Variants in MSRA observed in about 807,000 individuals in gnomAD.
MSRA encodes methionine sulfoxide reductase A.
A neutral mutation model predicts 31.3 loss-of-function variants in MSRA; 54 were observed. The observed-to-expected ratio is 1.73, with a 90% CI of 1.39 to 2.17. MSRA has a LOEUF of 2.17. Among genes scored for constraint, MSRA ranks in the 30% most tolerant of loss-of-function variants. The probability of loss-of-function intolerance (pLI) is 0.00; values close to 1 mark genes in which losing one functional copy is unlikely to be tolerated. For synonymous variants in MSRA, 169 were observed against 116.5 expected (o/e 1.45, Z -2.90); for missense variants, 507 against 300.9 (o/e 1.69, Z -5.07).
intron 5 of MSRA, among the ~76,000 whole-genome samples, chr8:10,389,790 CTTT>C (rs55769720): frequency 3.2e-5 from 4 of 123,410 alleles, no homozygotes; most frequent in African/African-American, 1.3e-4. Context: ...GAAACTTACT[CTTT>C]TTTTTTTTTT....
chr8:10,095,699 C>T (rs1799107421), intron 1 of MSRA: 3 of 1,038,086 alleles, frequency 2.9e-6, no homozygotes, highest in African/African-American at 1.7e-5. Flanking sequence ...TCCTGGGGTA[C>T]AGAAAAACTC....
intron 1 of MSRA, among the ~76,000 whole-genome samples, chr8:10,081,923 C>T (rs1798314254): frequency 6.6e-6 from 1 of 152,210 alleles, no homozygotes; most frequent in Admixed American, 6.5e-5. Context: ...AAACCTCATC[C>T]ATGGCTTTGG....
chr8:10,107,849 C>A (rs1163662081), intron 1 of MSRA, among the ~76,000 whole-genome samples: 1 of 152,120 alleles, frequency 6.6e-6, no homozygotes, highest in Admixed American at 6.5e-5. Context: ...CCTAAATTAT[C>A]CCCGGATATT....
chr8:10,284,329 T>C (rs1488106547), intron 3 of MSRA, among the ~76,000 whole-genome samples: 1 of 151,940 alleles, frequency 6.6e-6, no homozygotes, highest in Admixed American at 6.6e-5. Flanking sequence ...GCTGGGACTA[T>C]AGGCGCCCGC....
At chr8:10,152,756 C>T (rs74407434) in intron 1 of MSRA, among the ~76,000 whole-genome samples, 4,326 of 152,304 alleles carry the variant, frequency 0.028, 73 homozygotes, top group African/African-American at 0.042. Flanking sequence ...AATAGCTCCA[C>T]GTGCCCGTTG....
At position 10,054,477 on chromosome 8, in the gene MSRA, G is replaced by C. The variant is rs1214008981; in HGVS notation, c.-40G>C. On this transcript the variant is annotated 5_prime_UTR_variant, in exon 1 of 6. Coordinates refer to ENST00000317173, the MANE Select transcript of MSRA (RefSeq NM_012331.5). ...TCCGGCTGCGGCTCCGCTGCCGGTA[G>C]CGCCGTCCCCCGGGACCACCCTTCG... 2 of 1,543,454 alleles carry C rather than the reference G, an allele frequency of 1.3e-6. No homozygotes were observed. Among genetic ancestry groups the C allele is most frequent in the Non-Finnish European group, 1.7e-6 (2 of 1,145,574 alleles).
intron 5 of MSRA, among the ~76,000 whole-genome samples, chr8:10,365,280 C>A (rs1413212595): frequency 6.6e-6 from 1 of 152,092 alleles, no homozygotes; most frequent in Non-Finnish European, 1.5e-5. Context: ...TCCCTCCGAG[C>A]ATCTGTGGTG....
At chr8:10,399,951 A>C (rs1440420187) in intron 5 of MSRA, among the ~76,000 whole-genome samples, 2 of 152,160 alleles carry the variant, frequency 1.3e-5, no homozygotes, top group Admixed American at 6.5e-5. Flanking sequence ...TGGAAGAATA[A>C]GATGAGGCAT....
At chr8:10,387,729 G>A (rs1260323446) in intron 5 of MSRA, among the ~76,000 whole-genome samples, 2 of 152,222 alleles carry the variant, frequency 1.3e-5, no homozygotes, top group Non-Finnish European at 2.9e-5. Flanking sequence ...TGGGCATGGT[G>A]ATGACTTTTA....
chr8:10,105,211 T>A (rs1196375768), intron 1 of MSRA, among the ~76,000 whole-genome samples: 3 of 152,226 alleles, frequency 2.0e-5, no homozygotes, highest in Non-Finnish European at 2.9e-5. Context: ...TTTCTCATTT[T>A]CCTTATGGCA....
intron 1 of MSRA, among the ~76,000 whole-genome samples, chr8:10,112,138 A>G (rs544207263): frequency 2.0e-5 from 3 of 152,142 alleles, no homozygotes; most frequent in African/African-American, 7.2e-5. Flanking sequence ...GCTTTTATCC[A>G]CAGTCCTGCG....
intron 5 of MSRA, among the ~76,000 whole-genome samples, chr8:10,420,585 C>T (rs867726302): frequency 3.2e-4 from 49 of 152,244 alleles, no homozygotes; most frequent in African/African-American, 1.1e-3. Context: ...TGATGCGGGC[C>T]TCTTTCCATA....
intron 3 of MSRA, among the ~76,000 whole-genome samples, chr8:10,277,893 A>G (rs71516564): frequency 0.19 from 29,475 of 152,154 alleles, 3,784 homozygotes; most frequent in Non-Finnish European, 0.29. Context: ...TTATTTATCA[A>G]TAAAAACAAA....
At chr8:10,352,046 A>G (rs1055818764) in intron 5 of MSRA, among the ~76,000 whole-genome samples, 7 of 152,230 alleles carry the variant, frequency 4.6e-5, no homozygotes, top group African/African-American at 1.7e-4. Flanking sequence ...AAACAGCAGA[A>G]AATATGGGAG....
At chr8:10,182,729 G>T (rs1023138111) in intron 1 of MSRA, among the ~76,000 whole-genome samples, 2 of 152,076 alleles carry the variant, frequency 1.3e-5, no homozygotes, top group African/African-American at 4.8e-5. Flanking sequence ...GCTGGCCATC[G>T]CCTGGAGGCC....
intron 1 of MSRA, among the ~76,000 whole-genome samples, chr8:10,172,230 A>G (rs563597974): frequency 2.6e-5 from 4 of 152,314 alleles, no homozygotes; most frequent in African/African-American, 9.6e-5. Context: ...GTCACCCTGC[A>G]TGGGGTATGA....
At chr8:10,290,635 A>G (rs1800183381) in intron 3 of MSRA, among the ~76,000 whole-genome samples, 1 of 152,080 alleles carries the variant, frequency 6.6e-6, no homozygotes, top group South Asian at 2.1e-4. Flanking sequence ...GCGTGAGAGT[A>G]TGTTTCAGAG....
At chr8:10,255,346 G>A (rs1478616085) in intron 3 of MSRA, among the ~76,000 whole-genome samples, 1 of 152,224 alleles carries the variant, frequency 6.6e-6, no homozygotes, top group Non-Finnish European at 1.5e-5. Context: ...ACCCTGGCGG[G>A]CCAGGAGCCC....
chr8:10,200,652 C>T (rs1445880183), intron 1 of MSRA, among the ~76,000 whole-genome samples: 2 of 152,170 alleles, frequency 1.3e-5, no homozygotes, highest in African/African-American at 2.4e-5. Context: ...ACTCACCCAG[C>T]ACCATGTTTG....
Sources: gnomAD v4.1 joint callset for allele counts (sites outside exome capture counted in the v4.1 genomes callset) on GRCh38, gnomAD v4.1.1 for gene constraint, MANE v1.5 for transcripts, NCBI Gene and HGNC (gene_info 2026-07-23, HGNC 2026-07-21) for gene names.